CARD14: variants seen among roughly 807,000 people sequenced by gnomAD.
CARD14 encodes caspase recruitment domain-containing protein 14.
CARD14 carries 107 observed loss-of-function variants against 111.5 expected under a neutral mutation model. The observed-to-expected ratio is 0.96, with a 90% CI of 0.82 to 1.13. The LOEUF is 1.13. Ranked by LOEUF, CARD14 falls within the 50% of genes most tolerant of loss-of-function variation. The probability of loss-of-function intolerance (pLI) is 0.00; values close to 1 mark genes in which losing one functional copy is unlikely to be tolerated. For synonymous variants in CARD14, 617 were observed against 579.6 expected, an observed-to-expected ratio of 1.06 and a Z score of -0.93; for missense variants, 1,322 against 1,362.3, an observed-to-expected ratio of 0.97 and a Z score of 0.47.
chr17:80,202,640 A>C (rs529184940), intron 18 of CARD14: 2 of 1,393,286 alleles, frequency 1.4e-6, no homozygotes, highest in East Asian at 5.3e-5. Context: ...AACATTCTAG[A>C]TCTGGGTTTC....
Position 80,202,333 on chromosome 17 carries a change from A to G in CARD14, c.2132A>G (p.Gln711Arg), listed in dbSNP as rs779207453. 2 of 1,613,612 alleles carry G rather than the reference A, an allele frequency of 1.2e-6. No homozygotes were observed. Among genetic ancestry groups the G allele is most frequent in the Non-Finnish European group, 8.5e-7 (1 of 1,180,004 alleles). Residue 711 changes from glutamine to arginine, a missense_variant, in exon 18 of 24, where the codon CAG (glutamine) becomes CGG (arginine). Gln to Arg is a conservative substitution (Grantham distance 43, BLOSUM62 1). Transcript: ENST00000648509. ...CTGCACGTCACCGACACCATGTTCC[A>G]GGGCTGCGGCTGCTGGCATGCCCAC... is the stretch of plus-strand genomic sequence containing the variant. ...EVLHVTDTMF[Q>R]GCGCWHAHRV... is the part of the protein sequence containing the mutation.
intron 7 of CARD14, among the ~76,000 whole-genome samples, chr17:80,187,135 G>A (rs1306519657): frequency 1.3e-5 from 2 of 152,218 alleles, no homozygotes; most frequent in East Asian, 1.9e-4. Flanking sequence ...CTCCTGTTCC[G>A]TACGTGTGTG....
chr17:80,189,962 C>T lies in CARD14; in HGVS notation c.963+90C>T. On this transcript the variant is annotated intron_variant, in intron 9 of 23. Coordinates refer to ENST00000648509, the MANE Select transcript of CARD14 (RefSeq NM_001366385.1). The surrounding 1 kb of genome is among the most constrained non-coding windows in gnomAD (Gnocchi z 4.7). ...CTGTGGGGAAGCCAGATTCCTTCAT[C>T]CACGCCGAGCTCACATAATTTTGCT... is the stretch of plus-strand genomic sequence containing the variant. 1.3e-6 allele frequency: 2 copies of T among 1,484,558 alleles called. No individual in the cohort carries two copies. Among genetic ancestry groups the T allele is most frequent in the Non-Finnish European group, 1.8e-6 (2 of 1,124,282 alleles). 92.0% of individuals were successfully genotyped at this position (1,484,558 alleles called of 1,614,324 possible).
intron 7 of CARD14, chr17:80,187,874 G>C (rs1348201137): frequency 2.0e-6 from 2 of 985,496 alleles, no homozygotes; most frequent in Non-Finnish European, 2.4e-6. Flanking sequence ...CAGACTGCAA[G>C]TCAACACAGG....
rs967348270 is a variant in CARD14 at position 80,204,516 on chromosome 17, C to T, written c.2398+175C>T. ...GCGCACACCTGTAATCCCAGATACT[C>T]GGGAGGCTGAGGCAGGAGAATCGCC... On this transcript the variant is annotated intron_variant, in intron 20 of 23. Coordinates refer to ENST00000648509, the MANE Select transcript of CARD14 (RefSeq NM_001366385.1). The T allele has an allele frequency of 6.5e-5, 36 of 556,770 alleles. No homozygotes were observed. The East Asian group carries it at 7.1e-4, about 11-fold the overall frequency. 34.5% of individuals were successfully genotyped at this position (556,770 alleles called of 1,614,324 possible). A position where few individuals can be genotyped will look rare whatever the true frequency, so the allele number is the denominator to read the frequency against.
intron 14 of CARD14, chr17:80,197,020 A>T (rs2040738511): frequency 6.6e-6 from 1 of 152,288 alleles, no homozygotes; most frequent in Non-Finnish European, 1.5e-5. Context: ...AACATGGTGA[A>T]ACCTCGTCTC....
chr17:80,185,935 G>A (rs891257468), intron 7 of CARD14, among the ~76,000 whole-genome samples: 7 of 152,270 alleles, frequency 4.6e-5, no homozygotes, highest in East Asian at 1.9e-4. Context: ...AGGTCCTGTC[G>A]CCCCTCACAG....
intron 18 of CARD14, 148 bp downstream of exon 18, chr17:80,202,568 C>T: frequency 6.9e-7 from 1 of 1,442,276 alleles, no homozygotes; most frequent in Non-Finnish European, 9.1e-7. Flanking sequence ...AAGATCACTG[C>T]TGAAGATGTT....
At position 80,204,493 on chromosome 17, in the gene CARD14, G is replaced by A. The variant is rs144536645; in HGVS notation, c.2398+152G>A. On this transcript the variant is annotated intron_variant, in intron 20 of 23. Coordinates refer to ENST00000648509, the MANE Select transcript of CARD14 (RefSeq NM_001366385.1). ...GAATCATGGGGCTGGGTGTGGTGGCGCACACCTGTAATCCCAGATACTCGG... is the reference window on the plus strand; with the variant it reads ...GAATCATGGGGCTGGGTGTGGTGGCACACACCTGTAATCCCAGATACTCGG... 2.7e-3 allele frequency: 1,811 copies of A among 683,078 alleles called. 2 individuals are homozygous for A. The highest frequency in any genetic ancestry group is 3.8e-3 in the Non-Finnish European group (1,626 of 426,578). 42.3% of individuals were successfully genotyped at this position (683,078 alleles called of 1,614,324 possible). A position where few individuals can be genotyped will look rare whatever the true frequency, so the allele number is the denominator to read the frequency against.
Position 80,189,747 on chromosome 17 carries a change from C to T in CARD14, c.844-6C>T. 6.4e-7 allele frequency: 1 copy of T among 1,570,422 alleles called. No homozygotes were observed. ...AGCACCCCAGGCTGACCTCTCTCTG[C>T]CCCAGGCGGAGAAGGACATTCTGGA... On this transcript the variant is annotated splice_polypyrimidine_tract_variant and splice_region_variant and intron_variant, in intron 8 of 23. Transcript: ENST00000648509. The surrounding 1 kb of genome is among the most constrained non-coding windows in gnomAD (Gnocchi z 4.7).
At chr17:80,186,764 G>A (rs576179291) in intron 7 of CARD14, among the ~76,000 whole-genome samples, 57 of 152,230 alleles carry the variant, frequency 3.7e-4, no homozygotes, top group African/African-American at 1.3e-3. Flanking sequence ...TGGCCAGGCT[G>A]GTCTCAAACT....
intron 7 of CARD14, chr17:80,187,874 G>A (rs1348201137): frequency 1.0e-6 from 1 of 985,614 alleles, no homozygotes; most frequent in Non-Finnish European, 1.2e-6. Context: ...CAGACTGCAA[G>A]TCAACACAGG....
Position 80,209,264 on chromosome 17 carries a change from T to C in CARD14, c.*919T>C, listed in dbSNP as rs1274661952. 2 of 942,616 alleles carry C rather than the reference T, an allele frequency of 2.1e-6. No homozygotes were observed. Among genetic ancestry groups the C allele is most frequent in the African/African-American group, 3.5e-5 (2 of 56,386 alleles). 58.4% of individuals were successfully genotyped at this position (942,616 alleles called of 1,614,324 possible). ...GAAGCTGTTCTAGAATTCAGGTTGG[T>C]ATCATCATAAATGAGTTCAGAAAAA... On this transcript the variant is annotated 3_prime_UTR_variant, in exon 24 of 24. Coordinates refer to ENST00000648509, the MANE Select transcript of CARD14 (RefSeq NM_001366385.1).
At chr17:80,206,909 C>A in intron 22 of CARD14, 61 bp from the exon 23 acceptor site, 4 of 1,286,246 alleles carry the variant, frequency 3.1e-6, no homozygotes, top group Non-Finnish European at 4.4e-6. Flanking sequence ...TGGGCGTTGG[C>A]TCCCTTTGCT....
Position 80,198,780 on chromosome 17 carries a change from C to G in CARD14, c.1851+189C>G. On this transcript the variant is annotated intron_variant, in intron 16 of 23. Coordinates refer to ENST00000648509, the MANE Select transcript of CARD14 (RefSeq NM_001366385.1). The surrounding 1 kb of genome is among the most constrained non-coding windows in gnomAD (Gnocchi z 7.5). ...AGATGAGAGTCGTGCCGTGCAGAAC[C>G]CAGCATGTCACCCGTGGTGCTGCTG... 6.7e-7 allele frequency: 1 copy of G among 1,496,758 alleles called. No homozygotes were observed. The highest frequency in any genetic ancestry group is 8.9e-7 in the Non-Finnish European group (1 of 1,127,982). The allele number at this position is 1,496,758 out of a possible 1,614,324, so 92.7% of individuals were successfully genotyped here.
intron 16 of CARD14, among the ~76,000 whole-genome samples, chr17:80,200,363 T>C (rs921830973): frequency 6.7e-6 from 1 of 148,626 alleles, no homozygotes; most frequent in Non-Finnish European, 1.5e-5. Flanking sequence ...CAGCCTCCCA[T>C]GTAGCTGGGA....
Position 80,198,437 on chromosome 17 carries a change from T to C in CARD14, c.1697T>C (p.Leu566Pro), listed in dbSNP as rs1202237783. 1.2e-6 allele frequency: 2 copies of C among 1,610,606 alleles called. No individual in the cohort carries two copies. The highest frequency in any genetic ancestry group is 2.7e-5 in the African/African-American group (2 of 75,018). The change falls in exon 16 of 24, where the codon CTG becomes CCG. Residue 566 changes from leucine (L) to proline (P), a missense_variant. Physicochemically the swap from Leu to Pro is moderately conservative, Grantham distance 98 (BLOSUM62 -3). Coordinates refer to ENST00000648509, the MANE Select transcript of CARD14 (RefSeq NM_001366385.1). This position sits in a 1 kb window ranked among gnomAD's most constrained non-coding sequence, Gnocchi z 7.5. ...CGGCGGAGGCCAGCCCGCAGGATCC[T>C]GAGCCAGGTCACCATGCTGGCGTTC... ...LMRRRPARRI[L>P]SQVTMLAFQG...
Position 80,191,487 on chromosome 17 carries a change from C to T in CARD14, c.1239+15C>T. The T allele has an allele frequency of 6.2e-7, 1 of 1,604,098 alleles. No homozygotes were observed. Reference sequence around the variant, plus strand: ...CTCCGGGTGTGGTGAGTGTTCCCGGCTGACCCGAGCTGGAGGCCAGGCAGG... The same window carrying T: ...CTCCGGGTGTGGTGAGTGTTCCCGGTTGACCCGAGCTGGAGGCCAGGCAGG... On this transcript the variant is annotated intron_variant, in intron 11 of 23. Coordinates refer to ENST00000648509, the MANE Select transcript of CARD14 (RefSeq NM_001366385.1).
Position 80,195,052 on chromosome 17 carries a change from C to G in CARD14, c.1357-139C>G, listed in dbSNP as rs2040660120. On this transcript the variant is annotated intron_variant, in intron 12 of 23. Coordinates refer to ENST00000648509, the MANE Select transcript of CARD14 (RefSeq NM_001366385.1). This position sits in a 1 kb window ranked among gnomAD's most constrained non-coding sequence, Gnocchi z 4.7. ...AGCAGGTGCTCAGCGCATGTGACCC[C>G]ATGTGTGTCCTTCTTTCCCCTCCTG... 9.2e-7 allele frequency: 1 copy of G among 1,085,038 alleles called. No homozygotes were observed. Among genetic ancestry groups the G allele is most frequent in the Non-Finnish European group, 1.3e-6 (1 of 768,448 alleles). 67.2% of individuals were successfully genotyped at this position (1,085,038 alleles called of 1,614,324 possible). A position where few individuals can be genotyped will look rare whatever the true frequency, so the allele number is the denominator to read the frequency against.
Sources: gnomAD v4.1 joint callset for allele counts (sites outside exome capture counted in the v4.1 genomes callset) on GRCh38, gnomAD v4.1.1 for gene constraint, Gnocchi (gnomAD v3.1) non-coding constraint, MANE v1.5 for transcripts, NCBI Gene and HGNC (gene_info 2026-07-23, HGNC 2026-07-21) for gene names.